The following KBTBD13 variants were observed in gnomAD, a reference collection of about 807,000 sequenced individuals.
KBTBD13 encodes kelch repeat and BTB domain-containing protein 13.
A neutral mutation model predicts 25.4 loss-of-function variants in KBTBD13; 32 were observed. The observed-to-expected ratio is 1.26, with a 90% confidence interval of 0.95 to 1.69. The LOEUF (loss-of-function observed/expected upper bound fraction) is 1.69, where lower values mean the gene tolerates loss of function less well. KBTBD13 is among the 40% of genes most tolerant of loss of function. The pLI, the probability that KBTBD13 is intolerant of heterozygous loss-of-function variation, is 0.00. For missense variants in KBTBD13, 898 were observed against 679.5 expected (o/e 1.32, Z -3.57); for synonymous variants, 436 against 329.8 (o/e 1.32, Z -3.49).
Position 65,078,488 on chromosome 15 carries a change from C to G in KBTBD13, c.*296C>G, listed in dbSNP as rs1328348069. On this transcript the variant is annotated 3_prime_UTR_variant, in exon 1 of 1. Coordinates refer to ENST00000432196, the MANE Select transcript of KBTBD13 (RefSeq NM_001101362.3). ...ATGTAATGGGCTAGTGATTGAGCATCGCTGGGAGCGACTTAAATGATGTTA... is the reference window on the plus strand; with the variant it reads ...ATGTAATGGGCTAGTGATTGAGCATGGCTGGGAGCGACTTAAATGATGTTA... 6.6e-6 allele frequency among the ~76,000 whole-genome samples: 1 copy of G among 152,104 alleles called. No individual in the cohort carries two copies. The highest frequency in any genetic ancestry group is 2.4e-5 in the African/African-American group (1 of 41,406).
rs1254476457 is a variant in KBTBD13 at position 65,077,086 on chromosome 15, C to CCGGCGCTGGCTCGCT, written c.272_286dup (p.Arg95_Phe96insSerAlaLeuAlaArg). The CCGGCGCTGGCTCGCT allele has an allele frequency of 3.3e-6, 5 of 1,521,578 alleles. No individual in the cohort carries two copies. In the African/African-American group the frequency reaches 7.1e-5, roughly 21 times the overall value. The allele number at this position is 1,521,578 out of a possible 1,614,324, so 94.3% of individuals were successfully genotyped here. A position where few individuals can be genotyped will look rare whatever the true frequency, so the allele number is the denominator to read the frequency against. Reference sequence around the variant, plus strand: ...GGAGTGCGCCGCCTTCCTCCAGGCGCCGGCGCTGGCTCGCTTTCTGGAGCA... The same window carrying CCGGCGCTGGCTCGCT: ...GGAGTGCGCCGCCTTCCTCCAGGCGCCGGCGCTGGCTCGCTCGGCGCTGGCTCGCTTTCTGGAGCA... On this transcript the variant is annotated inframe_insertion, in exon 1 of 1. Transcript: ENST00000432196.
Position 65,076,804 on chromosome 15 carries a change from G to C in KBTBD13, c.-12G>C. 4.0e-6 allele frequency: 6 copies of C among 1,513,086 alleles called. No homozygotes were observed. The highest frequency in any genetic ancestry group is 5.3e-6 in the Non-Finnish European group (6 of 1,131,508). 93.7% of individuals were successfully genotyped at this position (1,513,086 alleles called of 1,614,324 possible). On this transcript the variant is annotated 5_prime_UTR_variant, in exon 1 of 1. Transcript: ENST00000432196. ...AAGGCCCCAGCGGCAGCCTCCGCCC[G>C]GCCAGCTCGCCATGGCACGGGGTCC...
In KBTBD13 at chr15:65,078,005, T is replaced by G. The variant is rs982388867; in HGVS notation, c.1190T>G (p.Val397Gly). 7.5e-6 allele frequency: 12 copies of G among 1,607,778 alleles called. No homozygotes were observed. The highest frequency in any genetic ancestry group is 1.0e-5 in the Non-Finnish European group (12 of 1,179,664). The change falls in exon 1 of 1, where the codon GTG (valine) becomes GGG (glycine). Residue 397 changes from valine (V) to glycine (G), a missense_variant. Val to Gly is a moderately radical substitution (Grantham distance 109). Transcript: ENST00000432196. ...VNSKGALFTA[V>G]VRGDTVYTVN... is the part of the protein sequence containing the mutation. ...AGCAAGGGAGCGCTCTTCACGGCCG[T>G]GGTGCGCGGTGACACCGTCTATACG...
rs759012584 is a variant in KBTBD13, at chr15:65,077,973, C to G, written c.1158C>G (p.Phe386Leu). 1.2e-6 allele frequency: 2 copies of G among 1,610,970 alleles called. No individual in the cohort carries two copies. The highest frequency in any genetic ancestry group is 2.2e-5 in the East Asian group (1 of 44,868). ...TGQWTALPGQ[F>L]VNSKGALFTA... ...AGTGGACGGCGCTGCCCGGCCAGTTCGTCAACAGCAAGGGAGCGCTCTTCA... is the reference window on the plus strand; with the variant it reads ...AGTGGACGGCGCTGCCCGGCCAGTTGGTCAACAGCAAGGGAGCGCTCTTCA... The change falls in exon 1 of 1, where the codon TTC (phenylalanine) becomes TTG (leucine). Residue 386 changes from phenylalanine (F) to leucine (L), a missense_variant. By Grantham distance (22) the Phe-to-Leu change is conservative. Coordinates refer to ENST00000432196, the MANE Select transcript of KBTBD13 (RefSeq NM_001101362.3).
At position 65,077,918 on chromosome 15, in the gene KBTBD13, C is replaced by T; in HGVS notation, c.1103C>T (p.Ala368Val). 2 of 1,611,990 alleles carry T rather than the reference C, an allele frequency of 1.2e-6. No individual in the cohort carries two copies. Among genetic ancestry groups the T allele is most frequent in the Non-Finnish European group, 1.7e-6 (2 of 1,179,802 alleles). ...NGPSDDFLHCAIDCLNLATGQ... is the reference protein window; with the variant it reads ...NGPSDDFLHCVIDCLNLATGQ... ...CCTTCCGACGACTTCCTGCACTGCG[C>T]CATCGACTGTCTCAACCTGGCCACG... The change falls in exon 1 of 1, where the codon GCC becomes GTC. Residue 368 changes from alanine to valine, a missense_variant. Coordinates refer to ENST00000432196, the MANE Select transcript of KBTBD13 (RefSeq NM_001101362.3).
chr15:65,077,313 G>T lies in KBTBD13; in HGVS notation c.498G>T (p.Ala166=). ...SYAAVSTHTP[A]PGFLEDASRT... is the part of the protein sequence containing the mutation. Reference sequence around the variant, plus strand: ...CGGCCGTGAGCACGCACACGCCCGCGCCCGGCTTCCTGGAGGACGCCTCGC... The same window carrying T: ...CGGCCGTGAGCACGCACACGCCCGCTCCCGGCTTCCTGGAGGACGCCTCGC... Residue 166 remains alanine (A), a synonymous_variant, in exon 1 of 1, where the codon GCG becomes GCT. Transcript: ENST00000432196. 1 of 1,421,640 alleles carries T rather than the reference G, an allele frequency of 7.0e-7. No homozygotes were observed. Among genetic ancestry groups the T allele is most frequent in the Non-Finnish European group, 9.2e-7 (1 of 1,091,796 alleles). The allele number at this position is 1,421,640 out of a possible 1,614,324, so 88.1% of individuals were successfully genotyped here.
At position 65,076,819 on chromosome 15, in the gene KBTBD13, G is replaced by A. The variant is rs1308816311; in HGVS notation, c.4G>A (p.Ala2Thr). M[A>T]RGPQTLVQVW... ...GCCTCCGCCCGGCCAGCTCGCCATG[G>A]CACGGGGTCCACAGACCCTGGTGCA... Residue 2 changes from alanine to threonine, a missense_variant, in exon 1 of 1, where the codon GCA (alanine) becomes ACA (threonine). By Grantham distance (58) the Ala-to-Thr change is moderately conservative. Coordinates refer to ENST00000432196, the MANE Select transcript of KBTBD13 (RefSeq NM_001101362.3). 1 of 1,530,402 alleles carries A rather than the reference G, an allele frequency of 6.5e-7. No homozygotes were observed. The highest frequency in any genetic ancestry group is 1.2e-5 in the South Asian group (1 of 83,652). 94.8% of individuals were successfully genotyped at this position (1,530,402 alleles called of 1,614,324 possible). A position where few individuals can be genotyped will look rare whatever the true frequency, so the allele number is the denominator to read the frequency against.
At position 65,077,394 on chromosome 15, in the gene KBTBD13, G is replaced by A. The variant is rs764751562; in HGVS notation, c.579G>A (p.Leu193=). Residue 193 remains leucine, a synonymous_variant, in exon 1 of 1, where the codon CTG becomes CTA. Coordinates refer to ENST00000432196, the MANE Select transcript of KBTBD13 (RefSeq NM_001101362.3). The part of the protein sequence containing the change: ...EEDAWRTLAA[L]PLEASTLLAG... Reference sequence around the variant, plus strand: ...ACGCGTGGCGCACGCTGGCTGCGCTGCCCCTGGAGGCCAGCACGTTGCTGG... The same window carrying A: ...ACGCGTGGCGCACGCTGGCTGCGCTACCCCTGGAGGCCAGCACGTTGCTGG... 2.5e-5 allele frequency: 38 copies of A among 1,521,228 alleles called. No individual in the cohort carries two copies. In the South Asian group the frequency reaches 4.3e-4, roughly 17 times the overall value. The allele number at this position is 1,521,228 out of a possible 1,614,324, so 94.2% of individuals were successfully genotyped here.
Position 65,077,945 on chromosome 15 carries a change from G to T in KBTBD13, c.1130G>T (p.Gly377Val). 1.2e-6 allele frequency: 2 copies of T among 1,611,636 alleles called. No homozygotes were observed. Among genetic ancestry groups the T allele is most frequent in the Non-Finnish European group, 1.7e-6 (2 of 1,179,790 alleles). ...ATCGACTGTCTCAACCTGGCCACGG[G>T]CCAGTGGACGGCGCTGCCCGGCCAG... is the stretch of plus-strand genomic sequence containing the variant. ...CAIDCLNLAT[G>V]QWTALPGQFV... Residue 377 changes from glycine (G) to valine (V), a missense_variant, in exon 1 of 1, where the codon GGC becomes GTC. Coordinates refer to ENST00000432196, the MANE Select transcript of KBTBD13 (RefSeq NM_001101362.3).
At position 65,077,970 on chromosome 15, in the gene KBTBD13, G is replaced by T; in HGVS notation, c.1155G>T (p.Gln385His). Residue 385 changes from glutamine (Q) to histidine (H), a missense_variant, in exon 1 of 1, where the codon CAG becomes CAT. Physicochemically the swap from Gln to His is conservative, Grantham distance 24. Transcript: ENST00000432196. Reference protein sequence around the residue: ...ATGQWTALPGQFVNSKGALFT... With the variant: ...ATGQWTALPGHFVNSKGALFT... The stretch of plus-strand genomic sequence containing the variant: ...GCCAGTGGACGGCGCTGCCCGGCCA[G>T]TTCGTCAACAGCAAGGGAGCGCTCT... The T allele has an allele frequency of 6.2e-7, 1 of 1,611,088 alleles. No homozygotes were observed.
rs2086995339 is a variant in KBTBD13, at chr15:65,077,599, G to A, written c.784G>A (p.Ala262Thr). The change falls in exon 1 of 1, where the codon GCC becomes ACC. Residue 262 changes from alanine to threonine, a missense_variant. Transcript: ENST00000432196. ...GGCCGGCTTCGACGGCCGCCTCTAC[G>A]CCATCGGCGGCGAATTCCAGAGGAC... ...ALAGFDGRLY[A>T]IGGEFQRTPI... The A allele has an allele frequency of 6.3e-7, 1 of 1,575,818 alleles. No homozygotes were observed. Among genetic ancestry groups the A allele is most frequent in the Non-Finnish European group, 8.6e-7 (1 of 1,168,252 alleles).
Position 65,078,110 on chromosome 15 carries a change from G to T in KBTBD13, c.1295G>T (p.Arg432Leu). Residue 432 changes from arginine (R) to leucine (L), a missense_variant, in exon 1 of 1, where the codon CGG (arginine) becomes CTG (leucine). By Grantham distance (102) the Arg-to-Leu change is moderately radical (BLOSUM62 -2). Coordinates refer to ENST00000432196, the MANE Select transcript of KBTBD13 (RefSeq NM_001101362.3). Reference protein sequence around the residue: ...RLLREKAGFPRPGSLQTFLLR... With the variant: ...RLLREKAGFPLPGSLQTFLLR... ...CTCAGGGAGAAAGCCGGCTTCCCGC[G>T]GCCCGGCTCCTTGCAGACCTTTCTC... 1 of 1,576,766 alleles carries T rather than the reference G, an allele frequency of 6.3e-7. No homozygotes were observed. The highest frequency in any genetic ancestry group is 8.6e-7 in the Non-Finnish European group (1 of 1,167,664).
Position 65,077,629 on chromosome 15 carries a change from A to G in KBTBD13, c.814A>G (p.Ile272Val). ...AIGGEFQRTP[I>V]SSVERYDPAA... ...CGGCGGCGAATTCCAGAGGACGCCC[A>G]TCAGCTCCGTGGAGCGCTACGACCC... Residue 272 changes from isoleucine to valine, a missense_variant, in exon 1 of 1, where the codon ATC becomes GTC. Ile to Val is a conservative substitution (Grantham distance 29, BLOSUM62 3). Transcript: ENST00000432196. 1 of 1,590,292 alleles carries G rather than the reference A, an allele frequency of 6.3e-7. No homozygotes were observed.
In KBTBD13 at chr15:65,077,389, G is replaced by T. The variant is rs2086990645; in HGVS notation, c.574G>T (p.Ala192Ser). The T allele has an allele frequency of 6.6e-7, 1 of 1,519,384 alleles. No homozygotes were observed. The highest frequency in any genetic ancestry group is 8.8e-7 in the Non-Finnish European group (1 of 1,136,212). The allele number at this position is 1,519,384 out of a possible 1,614,324, so 94.1% of individuals were successfully genotyped here. Reference protein sequence around the residue: ...EEEDAWRTLAALPLEASTLLA... With the variant: ...EEEDAWRTLASLPLEASTLLA... ...AGAGGACGCGTGGCGCACGCTGGCT[G>T]CGCTGCCCCTGGAGGCCAGCACGTT... Residue 192 changes from alanine (A) to serine (S), a missense_variant, in exon 1 of 1, where the codon GCG (alanine) becomes TCG (serine). By Grantham distance (99) the Ala-to-Ser change is moderately conservative. Coordinates refer to ENST00000432196, the MANE Select transcript of KBTBD13 (RefSeq NM_001101362.3).
chr15:65,077,564 A>T lies in KBTBD13; in HGVS notation c.749A>T (p.Asp250Val), dbSNP rs2086994491. The T allele has an allele frequency of 6.4e-7, 1 of 1,555,242 alleles. No homozygotes were observed. Among genetic ancestry groups the T allele is most frequent in the East Asian group, 2.4e-5 (1 of 41,780 alleles). Residue 250 changes from aspartate to valine, a missense_variant, in exon 1 of 1, where the codon GAC becomes GTC. Transcript: ENST00000432196. ...CCCAGCCCGCACCAGCCGCGCTATGACACAGCGCTGGCCGGCTTCGACGGC... is the reference window on the plus strand; with the variant it reads ...CCCAGCCCGCACCAGCCGCGCTATGTCACAGCGCTGGCCGGCTTCGACGGC... Reference protein sequence around the residue: ...EFPSPHQPRYDTALAGFDGRL... With the variant: ...EFPSPHQPRYVTALAGFDGRL...
Position 65,077,254 on chromosome 15 carries a change from G to A in KBTBD13, c.439G>A (p.Ala147Thr), listed in dbSNP as rs1194221829. The A allele has an allele frequency of 2.8e-5, 39 of 1,408,982 alleles. No individual in the cohort carries two copies. The highest frequency in any genetic ancestry group is 2.9e-5 in the Non-Finnish European group (32 of 1,086,654). The allele number at this position is 1,408,982 out of a possible 1,614,324, so 87.3% of individuals were successfully genotyped here. The change falls in exon 1 of 1, where the codon GCC (alanine) becomes ACC (threonine). Residue 147 changes from alanine to threonine, a missense_variant. Physicochemically the swap from Ala to Thr is moderately conservative, Grantham distance 58 (BLOSUM62 0). Transcript: ENST00000432196. ...AAELALPEAR[A>T]YVAALRPSSY... Reference sequence around the variant, plus strand: ...CGAACTGGCGCTGCCTGAGGCCCGCGCCTACGTGGCGGCCCTGCGGCCCAG... The same window carrying A: ...CGAACTGGCGCTGCCTGAGGCCCGCACCTACGTGGCGGCCCTGCGGCCCAG...
In KBTBD13 at chr15:65,078,256, G is replaced by C; in HGVS notation, c.*64G>C. On this transcript the variant is annotated 3_prime_UTR_variant, in exon 1 of 1. Coordinates refer to ENST00000432196, the MANE Select transcript of KBTBD13 (RefSeq NM_001101362.3). Reference sequence around the variant, plus strand: ...TCCTCCCTGAGCTATGGCTGAGTGTGTGAGGCCGGCCTTAGAAGTAGCTGG... The same window carrying C: ...TCCTCCCTGAGCTATGGCTGAGTGTCTGAGGCCGGCCTTAGAAGTAGCTGG... 1 of 1,502,934 alleles carries C rather than the reference G, an allele frequency of 6.7e-7. No homozygotes were observed. The highest frequency in any genetic ancestry group is 8.9e-7 in the Non-Finnish European group (1 of 1,128,264). 93.1% of individuals were successfully genotyped at this position (1,502,934 alleles called of 1,614,324 possible).
Position 65,077,723 on chromosome 15 carries a change from C to G in KBTBD13, c.908C>G (p.Ala303Gly). 3 of 1,585,872 alleles carry G rather than the reference C, an allele frequency of 1.9e-6. No individual in the cohort carries two copies. Among genetic ancestry groups the G allele is most frequent in the Non-Finnish European group, 2.6e-6 (3 of 1,171,338 alleles). The change falls in exon 1 of 1, where the codon GCT (alanine) becomes GGT (glycine). Residue 303 changes from alanine to glycine, a missense_variant. Physicochemically the swap from Ala to Gly is moderately conservative, Grantham distance 60. Coordinates refer to ENST00000432196, the MANE Select transcript of KBTBD13 (RefSeq NM_001101362.3). ...GCCGCCGGCGTGCCCTGCGCCCAGG[C>G]TTGTGGCCGTCTCTTCGTGTGCCTG... ...QPAAGVPCAQ[A>G]CGRLFVCLWR...
In KBTBD13 at chr15:65,077,021, G is replaced by T. The variant is rs762769253; in HGVS notation, c.206G>T (p.Arg69Leu). 6.6e-7 allele frequency: 1 copy of T among 1,504,782 alleles called. No individual in the cohort carries two copies. Among genetic ancestry groups the T allele is most frequent in the South Asian group, 1.3e-5 (1 of 79,296 alleles). The allele number at this position is 1,504,782 out of a possible 1,614,324, so 93.2% of individuals were successfully genotyped here. A position where few individuals can be genotyped will look rare whatever the true frequency, so the allele number is the denominator to read the frequency against. Reference sequence around the variant, plus strand: ...ACGCTGCAGGTGCTGCGCGGCGACCGGCCGGCGCTGGCGGCGGAGGACGAG... The same window carrying T: ...ACGCTGCAGGTGCTGCGCGGCGACCTGCCGGCGCTGGCGGCGGAGGACGAG... ...RATLQVLRGDRPALAAEDELL... is the reference protein window; with the variant it reads ...RATLQVLRGDLPALAAEDELL... Residue 69 changes from arginine to leucine, a missense_variant, in exon 1 of 1, where the codon CGG (arginine) becomes CTG (leucine). Arg to Leu is a moderately radical substitution (Grantham distance 102). Transcript: ENST00000432196.
Sources: gnomAD v4.1 joint callset for allele counts (sites outside exome capture counted in the v4.1 genomes callset) on GRCh38, gnomAD v4.1.1 for gene constraint, MANE v1.5 for transcripts, NCBI Gene and HGNC (gene_info 2026-07-23, HGNC 2026-07-21) for gene names.